ADGRB3: variants seen among roughly 807,000 people sequenced by gnomAD.
ADGRB3 encodes adhesion G protein-coupled receptor B3.
Under a neutral mutation model 193.4 loss-of-function variants are expected in ADGRB3, and 37 were observed. That is an observed-to-expected ratio of 0.19 (90% CI 0.15 to 0.25). The LOEUF (loss-of-function observed/expected upper bound fraction) is 0.25, where lower values mean the gene tolerates loss of function less well. Ranked by LOEUF, ADGRB3 falls within the 10% of genes least tolerant of loss-of-function variation. The probability of loss-of-function intolerance (pLI) is 1.00; values close to 1 mark genes in which losing one functional copy is unlikely to be tolerated. For missense variants in ADGRB3, 1,637 were observed against 1,852.9 expected (o/e 0.88, Z 2.14); for synonymous variants, 690 against 644.2 (o/e 1.07, Z -1.08).
At chr6:69,140,789 C>T (rs180953708) in intron 17 of ADGRB3, among the ~76,000 whole-genome samples, 1 of 151,224 alleles carries the variant, frequency 6.6e-6, no homozygotes, top group African/African-American at 2.4e-5. Context: ...TACTATGTAC[C>T]CACAAAAAAT....
chr6:69,191,087 A>G (rs1349522023), intron 17 of ADGRB3, among the ~76,000 whole-genome samples: 5 of 152,218 alleles, frequency 3.3e-5, no homozygotes, highest in African/African-American at 1.2e-4. Context: ...AAATGCTTTC[A>G]TATACTAAAT....
At chr6:69,358,932 TA>T (rs1254487740) in intron 28 of ADGRB3, among the ~76,000 whole-genome samples, 20 of 151,016 alleles carry the variant, frequency 1.3e-4, no homozygotes, top group African/African-American at 4.3e-4. Context: ...TATATATATA[TA>T]TATTTTTTTT....
At chr6:68,958,870 A>AGTGTGTGT (rs66559521) in intron 8 of ADGRB3, among the ~76,000 whole-genome samples, 8 of 147,234 alleles carry the variant, frequency 5.4e-5, no homozygotes, top group Non-Finnish European at 1.0e-4. Context: ...AAAGAAAAAT[A>AGTGTGTGT]GTGTGTGTGT....
chr6:68,901,836 G>C (rs78573975), intron 3 of ADGRB3, among the ~76,000 whole-genome samples: 1 of 152,000 alleles, frequency 6.6e-6, no homozygotes, highest in South Asian at 2.1e-4. Flanking sequence ...AAAAAGTAAA[G>C]CAATGTTGTC....
chr6:69,386,516 C>T (rs1770075304), intron 31 of ADGRB3, among the ~76,000 whole-genome samples: 1 of 152,046 alleles, frequency 6.6e-6, no homozygotes, highest in Admixed American at 6.6e-5. Context: ...ACCATAGTGC[C>T]CCTAAACGTT....
At chr6:69,006,872 C>T (rs564015939) in intron 11 of ADGRB3, among the ~76,000 whole-genome samples, 22 of 151,938 alleles carry the variant, frequency 1.4e-4, no homozygotes, top group South Asian at 8.3e-4. Context: ...TATGAATTTA[C>T]CTTCAATGTT....
intron 17 of ADGRB3, among the ~76,000 whole-genome samples, chr6:69,184,326 C>T (rs901657108): frequency 7.9e-5 from 12 of 152,076 alleles, no homozygotes; most frequent in African/African-American, 2.7e-4. Context: ...AGCCTTTTCT[C>T]ATATGACTTG....
chr6:69,230,791 C>A (rs577347327), intron 17 of ADGRB3, among the ~76,000 whole-genome samples: 189 of 152,298 alleles, frequency 1.2e-3, no homozygotes, highest in African/African-American at 4.4e-3. Context: ...CTCCTACTTA[C>A]CTGCTCCAGA....
At chr6:68,708,052 G>C (rs1765354420) in intron 3 of ADGRB3, among the ~76,000 whole-genome samples, 1 of 152,104 alleles carries the variant, frequency 6.6e-6, no homozygotes, top group Non-Finnish European at 1.5e-5. Flanking sequence ...ACTATCTGGA[G>C]AATTTCCACT....
At chr6:69,387,821 A>G (rs1770106897) in intron 31 of ADGRB3, among the ~76,000 whole-genome samples, 1 of 152,104 alleles carries the variant, frequency 6.6e-6, no homozygotes, top group Admixed American at 6.6e-5. Flanking sequence ...TTCACTTGGT[A>G]ATTGATTATA....
At chr6:68,872,762 A>G (rs893226043) in intron 3 of ADGRB3, among the ~76,000 whole-genome samples, 1 of 152,150 alleles carries the variant, frequency 6.6e-6, no homozygotes, top group Non-Finnish European at 1.5e-5. Context: ...CTTTAAATGT[A>G]ACCCTAAATA....
intron 17 of ADGRB3, among the ~76,000 whole-genome samples, chr6:69,099,882 CAT>C (rs1183607467): frequency 2.0e-5 from 3 of 152,188 alleles, no homozygotes; most frequent in Non-Finnish European, 4.4e-5. Flanking sequence ...CAGAGATTTA[CAT>C]ATAGAATATG....
intron 8 of ADGRB3, 127 bp downstream of exon 8, chr6:68,956,936 T>G: frequency 9.4e-7 from 1 of 1,065,614 alleles, no homozygotes; most frequent in Non-Finnish European, 1.3e-6. Flanking sequence ...TAGGTGGCAA[T>G]TTACTTGTTT....
intron 20 of ADGRB3, among the ~76,000 whole-genome samples, chr6:69,294,716 A>G (rs1767770706): frequency 6.6e-6 from 1 of 152,154 alleles, no homozygotes; most frequent in Non-Finnish European, 1.5e-5. Flanking sequence ...ATAACGCTTG[A>G]TGAGAGATAC....
chr6:69,157,732 A>T (rs1774881314), intron 17 of ADGRB3, among the ~76,000 whole-genome samples: 1 of 152,050 alleles, frequency 6.6e-6, no homozygotes, highest in Non-Finnish European at 1.5e-5. Flanking sequence ...TCCTGAGACA[A>T]TTCCCTTTCC....
At chr6:68,723,030 G>T (rs1272786577) in intron 3 of ADGRB3, among the ~76,000 whole-genome samples, 1 of 151,638 alleles carries the variant, frequency 6.6e-6, no homozygotes. Context: ...TTGCCTGTTG[G>T]ACATGGCTAT....
Position 69,017,777 on chromosome 6 carries a change from T to G in ADGRB3, c.1999-614T>G, listed in dbSNP as rs542056579. ...TGTTTAACCTTCTTGAGGTCTTGCT[T>G]CTTCTTGCCTAAAATATGGACAATA... On this transcript the variant is annotated intron_variant, in intron 12 of 31. Transcript: ENST00000370598. Among the ~76,000 whole-genome samples, 73 of 152,068 alleles carry G rather than the reference T, an allele frequency of 4.8e-4. 1 individual carries two copies. The highest frequency in any genetic ancestry group is 1.5e-3 in the African/African-American group (61 of 41,542).
chr6:68,804,350 T>C (rs2127372483), intron 3 of ADGRB3, among the ~76,000 whole-genome samples: 1 of 152,376 alleles, frequency 6.6e-6, no homozygotes, highest in South Asian at 2.1e-4. Context: ...TCATTTGCTT[T>C]CCCTAATTGT....
intron 17 of ADGRB3, among the ~76,000 whole-genome samples, chr6:69,164,526 G>T (rs1238310006): frequency 6.6e-6 from 1 of 152,052 alleles, no homozygotes; most frequent in African/African-American, 2.4e-5. Flanking sequence ...CCTCAAGTTA[G>T]CATAAGATTT....
Sources: gnomAD v4.1 joint callset for allele counts (sites outside exome capture counted in the v4.1 genomes callset) on GRCh38, gnomAD v4.1.1 for gene constraint, MANE v1.5 for transcripts, NCBI Gene and HGNC (gene_info 2026-07-23, HGNC 2026-07-21) for gene names.